RBFOX1: variants seen among roughly 807,000 people sequenced by gnomAD.
RBFOX1 encodes the protein RNA binding protein fox-1 homolog 1.
Under a neutral mutation model 57.7 loss-of-function variants are expected in RBFOX1, and 8 were observed. The observed-to-expected ratio is 0.14, with a 90% CI of 0.08 to 0.25. The LOEUF (loss-of-function observed/expected upper bound fraction) is 0.25, where lower values mean the gene tolerates loss of function less well. Among genes scored for constraint, RBFOX1 ranks in the 10% least tolerant of loss-of-function variants. The pLI, the probability that RBFOX1 is intolerant of heterozygous loss-of-function variation, is 1.00. For missense variants in RBFOX1, 611 were observed against 548.5 expected (o/e 1.11, Z -1.14); for synonymous variants, 326 against 222.4 (o/e 1.47, Z -4.15).
chr16:6,754,943 G>T (rs1473912816), intron 3 of RBFOX1, among the ~76,000 whole-genome samples: 1 of 152,016 alleles, frequency 6.6e-6, no homozygotes, highest in African/African-American at 2.4e-5. Context: ...CTATGACTGA[G>T]AATATGCGGT....
chr16:6,039,937 C>T (rs2095418150), intron 1 of RBFOX1, among the ~76,000 whole-genome samples: 2 of 152,292 alleles, frequency 1.3e-5, no homozygotes, highest in South Asian at 2.1e-4. Flanking sequence ...TGATCAGAAG[C>T]TTCAATTCCC....
intron 3 of RBFOX1, among the ~76,000 whole-genome samples, chr16:6,886,197 G>C (rs1226264574): frequency 6.6e-6 from 1 of 151,940 alleles, no homozygotes; most frequent in Non-Finnish European, 1.5e-5. Flanking sequence ...GAGTAGCTGG[G>C]ATTACAGGCG....
intron 4 of RBFOX1, among the ~76,000 whole-genome samples, chr16:5,912,365 G>A (rs1158859569): frequency 6.6e-6 from 1 of 152,168 alleles, no homozygotes; most frequent in African/African-American, 2.4e-5. Context: ...TGTACATTTA[G>A]CTGCGCCTGG....
rs182467108 is a variant in RBFOX1, at chr16:7,168,555, C to G, written c.27+116457C>G. 2.6e-5 allele frequency among the ~76,000 whole-genome samples: 4 copies of G among 152,084 alleles called. No individual in the cohort carries two copies. The East Asian group carries it at 7.7e-4, about 29-fold the overall frequency. Reference sequence around the variant, plus strand: ...TTCAATTAAGTTGCAGAAAAATGGCCACACACAGAAGAAAGAAGTTAGAAG... The same window carrying G: ...TTCAATTAAGTTGCAGAAAAATGGCGACACACAGAAGAAAGAAGTTAGAAG... On this transcript the variant is annotated intron_variant, in intron 4 of 15. Coordinates refer to ENST00000550418, the MANE Select transcript of RBFOX1 (RefSeq NM_018723.4).
Position 7,210,910 on chromosome 16 carries a change from T to C in RBFOX1, c.27+158812T>C, listed in dbSNP as rs557498162. ...GGGTAGATTCTAGGTACTCTCACTA[T>C]AAAAGAAAAAAAAATTTCAAGAATA... On this transcript the variant is annotated intron_variant, in intron 4 of 15. Transcript: ENST00000550418. Among the ~76,000 whole-genome samples, 159 of 150,690 alleles carry C rather than the reference T, an allele frequency of 1.1e-3. 1 individual carries two copies. Among genetic ancestry groups the C allele is most frequent in the South Asian group, 1.3e-3 (6 of 4,762 alleles).
chr16:6,865,437 C>A (rs979516240), intron 3 of RBFOX1, among the ~76,000 whole-genome samples: 1 of 152,040 alleles, frequency 6.6e-6, no homozygotes, highest in African/African-American at 2.4e-5. Context: ...TTAGTGTGTG[C>A]CATGGGGATA....
intron 3 of RBFOX1, among the ~76,000 whole-genome samples, chr16:5,846,234 C>G (rs2056754080): frequency 1.3e-5 from 2 of 151,140 alleles, no homozygotes; most frequent in Admixed American, 6.6e-5. Flanking sequence ...GCACAGGAAG[C>G]TGGTGACTCA....
chr16:7,464,435 C>T (rs1175845060), intron 4 of RBFOX1, among the ~76,000 whole-genome samples: 1 of 151,982 alleles, frequency 6.6e-6, no homozygotes, highest in African/African-American at 2.4e-5. Flanking sequence ...ATGGTGGTCA[C>T]TTCTGCAAAA....
At chr16:7,034,374 G>A (rs2043666326) in intron 3 of RBFOX1, among the ~76,000 whole-genome samples, 1 of 152,064 alleles carries the variant, frequency 6.6e-6, no homozygotes, top group Non-Finnish European at 1.5e-5. Context: ...GGAGGAGAGG[G>A]GGCTGAGGTT....
Position 7,507,985 on chromosome 16 carries a change from T to G in RBFOX1, c.28-10162T>G, listed in dbSNP as rs940325561. Among the ~76,000 whole-genome samples, 7 of 151,140 alleles carry G rather than the reference T, an allele frequency of 4.6e-5. 1 individual carries two copies. The South Asian group carries it at 1.3e-3, about 27-fold the overall frequency. On this transcript the variant is annotated intron_variant, in intron 4 of 15. Coordinates refer to ENST00000550418, the MANE Select transcript of RBFOX1 (RefSeq NM_018723.4). ...CTCTTTAACTCTTTGTCTATTTAAG[T>G]TTTTTTTTCTTTTCTTTTTGAGATG...
At chr16:6,730,862 G>GA (rs1282734218) in intron 3 of RBFOX1, among the ~76,000 whole-genome samples, 4 of 152,202 alleles carry the variant, frequency 2.6e-5, no homozygotes, top group Non-Finnish European at 5.9e-5. Context: ...AAGATTCCCA[G>GA]ACCCCACCCT....
At chr16:6,319,525 A>G (rs2081511824) in intron 2 of RBFOX1, among the ~76,000 whole-genome samples, 1 of 152,178 alleles carries the variant, frequency 6.6e-6, no homozygotes, top group Non-Finnish European at 1.5e-5. Context: ...TGTAAATTGG[A>G]GAAAGATGGC....
chr16:7,549,981 G>A (rs1316020182), intron 5 of RBFOX1, among the ~76,000 whole-genome samples: 3 of 152,030 alleles, frequency 2.0e-5, no homozygotes, highest in African/African-American at 4.8e-5. Flanking sequence ...TTAGGCAGGA[G>A]TGCAGTGGTG....
intron 13 of RBFOX1, chr16:7,671,523 GC>G: frequency 6.4e-7 from 1 of 1,557,302 alleles, no homozygotes. Flanking sequence ...TTTCATTTTT[GC>G]ATTGAAAACA....
chr16:7,219,321 C>T (rs954968454), intron 4 of RBFOX1, among the ~76,000 whole-genome samples: 34 of 152,280 alleles, frequency 2.2e-4, no homozygotes, highest in African/African-American at 8.2e-4. Flanking sequence ...AATAGAGATG[C>T]TTTTAATGAG....
intron 4 of RBFOX1, among the ~76,000 whole-genome samples, chr16:7,468,719 G>T (rs2060985192): frequency 6.6e-6 from 1 of 152,130 alleles, no homozygotes; most frequent in South Asian, 2.1e-4. Context: ...ACTGTGGCAG[G>T]AGGTCTGGGG....
intron 4 of RBFOX1, among the ~76,000 whole-genome samples, chr16:7,211,903 G>T (rs566658972): frequency 6.6e-6 from 1 of 152,186 alleles, no homozygotes; most frequent in Non-Finnish European, 1.5e-5. Context: ...TGCTGGTCGG[G>T]GGAAGCCAGC....
intron 3 of RBFOX1, among the ~76,000 whole-genome samples, chr16:6,711,090 C>G (rs796916816): frequency 6.6e-6 from 1 of 152,142 alleles, no homozygotes; most frequent in South Asian, 2.1e-4. Flanking sequence ...TTTCTTGACA[C>G]TTCTGTTTCT....
chr16:6,631,164 G>A (rs1428153118), intron 2 of RBFOX1, among the ~76,000 whole-genome samples: 1 of 152,054 alleles, frequency 6.6e-6, no homozygotes, highest in African/African-American at 2.4e-5. Flanking sequence ...CAAAGGCAGA[G>A]TAATTGAAAT....
Sources: gnomAD v4.1 joint callset for allele counts (sites outside exome capture counted in the v4.1 genomes callset) on GRCh38, gnomAD v4.1.1 for gene constraint, MANE v1.5 for transcripts, NCBI Gene and HGNC (gene_info 2026-07-23, HGNC 2026-07-21) for gene names.